Variants in GRID2 observed in about 807,000 individuals in gnomAD.
The protein encoded by GRID2 is glutamate ionotropic receptor delta type subunit 2, also known as glutamate receptor ionotropic, delta-2.
In GRID2, 33 loss-of-function variants were observed where a neutral mutation model predicts 114.8. That is an observed-to-expected ratio of 0.29 (90% CI 0.22 to 0.38). GRID2 has a LOEUF of 0.38. Among genes scored for constraint, GRID2 ranks in the 10% least tolerant of loss-of-function variants. GRID2 has a pLI of 1.00. For missense variants in GRID2, 1,184 were observed against 1,257.7 expected (o/e 0.94, Z 0.89); for synonymous variants, 505 against 449.9 (o/e 1.12, Z -1.55).
chr4:93,608,470 C>A (rs1218095209), intron 13 of GRID2, among the ~76,000 whole-genome samples: 5 of 144,310 alleles, frequency 3.5e-5, no homozygotes, highest in East Asian at 2.0e-4. Context: ...CCTCCCCCAA[C>A]CCCACCACAG....
At chr4:92,952,561 AC>A (rs1229871531) in intron 2 of GRID2, among the ~76,000 whole-genome samples, 1 of 152,202 alleles carries the variant, frequency 6.6e-6, no homozygotes, top group East Asian at 1.9e-4. Flanking sequence ...ATAGTCTAGT[AC>A]AATTATATTA....
intron 2 of GRID2, among the ~76,000 whole-genome samples, chr4:92,752,779 G>A (rs1002040751): frequency 1.3e-5 from 2 of 152,074 alleles, no homozygotes; most frequent in Non-Finnish European, 2.9e-5. Flanking sequence ...ATATGTAAAT[G>A]ACTTATTAAT....
At chr4:93,331,431 G>A (rs1003431870) in intron 8 of GRID2, among the ~76,000 whole-genome samples, 2 of 151,838 alleles carry the variant, frequency 1.3e-5, no homozygotes, top group East Asian at 3.9e-4. Context: ...AGCAATCATG[G>A]CCTCAACACT....
At chr4:93,269,762 C>T (rs1008020058) in intron 8 of GRID2, among the ~76,000 whole-genome samples, 12 of 152,170 alleles carry the variant, frequency 7.9e-5, no homozygotes, top group Admixed American at 5.9e-4. Context: ...AATATCCCTT[C>T]AGGGACTTGA....
At chr4:93,520,682 T>A (rs1242939473) in intron 13 of GRID2, among the ~76,000 whole-genome samples, 3 of 152,034 alleles carry the variant, frequency 2.0e-5, no homozygotes, top group Non-Finnish European at 4.4e-5. Flanking sequence ...GGCTGATGCT[T>A]GGGCCCCACT....
chr4:92,503,944 TAATAAC>T (rs1717880259), intron 1 of GRID2, among the ~76,000 whole-genome samples: 1 of 151,958 alleles, frequency 6.6e-6, no homozygotes, highest in African/African-American at 2.4e-5. Flanking sequence ...AATCTCAAAA[TAATAAC>T]AGTTAGATTG....
At chr4:93,388,587 AAAT>A (rs929105495) in intron 8 of GRID2, among the ~76,000 whole-genome samples, 3 of 152,212 alleles carry the variant, frequency 2.0e-5, no homozygotes, top group Non-Finnish European at 4.4e-5. Context: ...TGATGAATAT[AAAT>A]AATAACAAAT....
At position 92,540,981 on chromosome 4, in the gene GRID2, A is replaced by G. The variant is rs1306222146; in HGVS notation, c.89-49150A>G. On this transcript the variant is annotated intron_variant, in intron 1 of 15. Transcript: ENST00000282020. The stretch of plus-strand genomic sequence containing the variant: ...TGCAGCCATAAAAACGGATGAGTTC[A>G]TGTCCTTTGTAGGAACATGGATGAA... 5.9e-5 allele frequency among the ~76,000 whole-genome samples: 9 copies of G among 152,352 alleles called. No individual in the cohort carries two copies. In the East Asian group the frequency reaches 1.7e-3, roughly 29 times the overall value.
At chr4:93,546,273 C>T (rs936046801) in intron 13 of GRID2, among the ~76,000 whole-genome samples, 4 of 151,992 alleles carry the variant, frequency 2.6e-5, no homozygotes, top group East Asian at 1.9e-4. Flanking sequence ...AAAAGTAAAG[C>T]GGCAATTAGA....
At chr4:93,033,382 A>C (rs1378628351) in intron 2 of GRID2, among the ~76,000 whole-genome samples, 2 of 152,198 alleles carry the variant, frequency 1.3e-5, no homozygotes, top group Admixed American at 1.3e-4. Flanking sequence ...GAAAATACCA[A>C]ACATAGAGTT....
chr4:93,057,594 C>G (rs1306297978), intron 2 of GRID2, among the ~76,000 whole-genome samples: 2 of 151,724 alleles, frequency 1.3e-5, no homozygotes, highest in Non-Finnish European at 2.9e-5. Context: ...TTGATTTTAT[C>G]AGGACTGCTA....
At chr4:92,563,382 A>T (rs548398078) in intron 1 of GRID2, among the ~76,000 whole-genome samples, 6 of 152,110 alleles carry the variant, frequency 3.9e-5, no homozygotes, top group Admixed American at 2.0e-4. Context: ...TGTGTGCATA[A>T]TATATAAACT....
At chr4:92,571,145 T>A (rs879259860) in intron 1 of GRID2, among the ~76,000 whole-genome samples, 24 of 152,068 alleles carry the variant, frequency 1.6e-4, no homozygotes, top group Non-Finnish European at 3.1e-4. Flanking sequence ...TATTGAGAGT[T>A]TTTAATATGA....
At chr4:92,498,497 G>A (rs750610971) in intron 1 of GRID2, among the ~76,000 whole-genome samples, 39 of 151,896 alleles carry the variant, frequency 2.6e-4, no homozygotes, top group East Asian at 1.9e-4. Context: ...TTGAATACAC[G>A]AAAAGGATAA....
chr4:92,737,805 A>G (rs989608273), intron 2 of GRID2, among the ~76,000 whole-genome samples: 1 of 152,144 alleles, frequency 6.6e-6, no homozygotes, highest in Non-Finnish European at 1.5e-5. Flanking sequence ...TTCTTCATTT[A>G]ATGCATTTCA....
intron 2 of GRID2, among the ~76,000 whole-genome samples, chr4:92,742,419 G>A (rs1481965412): frequency 6.6e-6 from 1 of 151,814 alleles, no homozygotes; most frequent in African/African-American, 2.4e-5. Flanking sequence ...GCCTACCCCA[G>A]GATTTTTCTT....
chr4:93,419,505 CTTAG>C (rs1261289787), intron 9 of GRID2, among the ~76,000 whole-genome samples: 1 of 151,884 alleles, frequency 6.6e-6, no homozygotes, highest in Admixed American at 6.6e-5. Flanking sequence ...GAGTACTAGT[CTTAG>C]TTAGAATTTA....
intron 8 of GRID2, among the ~76,000 whole-genome samples, chr4:93,339,070 C>A (rs994342948): frequency 4.6e-5 from 7 of 152,148 alleles, no homozygotes; most frequent in African/African-American, 7.2e-5. Context: ...AGGCCTTCTG[C>A]CAACAAACAG....
In GRID2 at chr4:93,492,920, C is replaced by T. The variant is rs530504122; in HGVS notation, c.1997+2143C>T. On this transcript the variant is annotated intron_variant, in intron 12 of 15. Coordinates refer to ENST00000282020, the MANE Select transcript of GRID2 (RefSeq NM_001510.4). ...CTCCACATTTTCCCTATACTCTAGC[C>T]CCTGGCAACCACCATTCTACTCCTG... Among the ~76,000 whole-genome samples the T allele has an allele frequency of 2.4e-4, 37 of 151,822 alleles. 1 individual carries two copies. The South Asian group carries it at 7.3e-3, about 30-fold the overall frequency.
Sources: gnomAD v4.1 joint callset for allele counts (sites outside exome capture counted in the v4.1 genomes callset) on GRCh38, gnomAD v4.1.1 for gene constraint, MANE v1.5 for transcripts, NCBI Gene and HGNC (gene_info 2026-07-23, HGNC 2026-07-21) for gene names.